The following KANK2 variants were observed in gnomAD, a reference collection of about 807,000 sequenced individuals.
KANK2 encodes KN motif and ankyrin repeat domain-containing protein 2.
A neutral mutation model predicts 74.6 loss-of-function variants in KANK2; 41 were observed. That is an observed-to-expected ratio of 0.55 (90% CI 0.43 to 0.71). The LOEUF is 0.71. Ranked by LOEUF, KANK2 falls within the 30% of genes least tolerant of loss-of-function variation. The probability of loss-of-function intolerance (pLI) is 0.00; values close to 1 mark genes in which losing one functional copy is unlikely to be tolerated. For synonymous variants in KANK2, 537 were observed against 519.0 expected (o/e 1.03, Z -0.47); for missense variants, 1,148 against 1,196.4 (o/e 0.96, Z 0.60).
At chr19:11,171,179 T>C (rs1257442304) in intron 10 of KANK2, among the ~76,000 whole-genome samples, 1 of 152,142 alleles carries the variant, frequency 6.6e-6, no homozygotes, top group Non-Finnish European at 1.5e-5. Flanking sequence ...GGAGGACTGC[T>C]TGACCCCAGG....
chr19:11,190,129 C>A (rs939459616), intron 4 of KANK2, among the ~76,000 whole-genome samples: 5 of 102,654 alleles, frequency 4.9e-5, no homozygotes, highest in Non-Finnish European at 7.6e-5. Context: ...TTATTTATTT[C>A]TTTTTTCTTT....
In KANK2 at chr19:11,166,454, T is replaced by G; in HGVS notation, c.*104A>C. ...TCGCTTGCCTTTGAGCCGTGGGCCT[T>G]GGGGAGTGTGAGTGGGGTGGGCCAG... On this transcript the variant is annotated 3_prime_UTR_variant, in exon 13 of 13. Coordinates refer to ENST00000586659, the MANE Select transcript of KANK2 (RefSeq NM_001136191.3). 9.4e-7 allele frequency: 1 copy of G among 1,066,286 alleles called. No individual in the cohort carries two copies. Among genetic ancestry groups the G allele is most frequent in the Non-Finnish European group, 1.4e-6 (1 of 691,772 alleles). The allele number at this position is 1,066,286 out of a possible 1,614,324, so 66.1% of individuals were successfully genotyped here. A position where few individuals can be genotyped will look rare whatever the true frequency, so the allele number is the denominator to read the frequency against.
At position 11,174,473 on chromosome 19, in the gene KANK2, C is replaced by T. The variant is rs115046996; in HGVS notation, c.2068G>A (p.Gly690Ser). Residue 690 changes from glycine (G) to serine (S), a missense_variant and splice_region_variant, in exon 9 of 13, where the codon GGT becomes AGT. Gly to Ser is a moderately conservative substitution (Grantham distance 56, BLOSUM62 0). Coordinates refer to ENST00000586659, the MANE Select transcript of KANK2 (RefSeq NM_001136191.3). Reference protein sequence around the residue: ...FPVVQQLLDSGVCKVDKQNRA... With the variant: ...FPVVQQLLDSSVCKVDKQNRA... ...GCCTCGTCCTCCCCGCTGGGCTCACCGCTGTCGAGCAGCTGCTGCACCACG... is the reference window on the plus strand; with the variant it reads ...GCCTCGTCCTCCCCGCTGGGCTCACTGCTGTCGAGCAGCTGCTGCACCACG... 7.0e-5 allele frequency: 112 copies of T among 1,604,758 alleles called. No homozygotes were observed. The African/African-American group carries it at 1.2e-3, about 17-fold the overall frequency.
At position 11,176,727 on chromosome 19, in the gene KANK2, C is replaced by T. The variant is rs369814991; in HGVS notation, c.1611G>A (p.Arg537=). The part of the protein sequence containing the change: ...TENEAPEPRE[R]VPSVAEAPQL... ...GGGGGGCTTCGGCCACACTCGGAAC[C>T]CTCTCCCTCGGCTCTGGGGCCTCGT... Residue 537 remains arginine, a synonymous_variant, in exon 7 of 13, where the codon AGG becomes AGA. Transcript: ENST00000586659. 8.5e-5 allele frequency: 137 copies of T among 1,610,928 alleles called. No homozygotes were observed. The highest frequency in any genetic ancestry group is 1.0e-4 in the Non-Finnish European group (120 of 1,178,268).
chr19:11,173,138 G>A lies in KANK2; in HGVS notation c.2069-15C>T, dbSNP rs185203180. The A allele has an allele frequency of 2.7e-5, 43 of 1,606,650 alleles. No homozygotes were observed. In the East Asian group the frequency reaches 8.9e-4, roughly 33 times the overall value. On this transcript the variant is annotated splice_polypyrimidine_tract_variant and intron_variant, in intron 9 of 12. Coordinates refer to ENST00000586659, the MANE Select transcript of KANK2 (RefSeq NM_001136191.3). Reference sequence around the variant, plus strand: ...CTTGCAGACACCTAAGAGACATGGTGTGAACCCTCAGACCAGGGATCGCTG... The same window carrying A: ...CTTGCAGACACCTAAGAGACATGGTATGAACCCTCAGACCAGGGATCGCTG...
At position 11,178,426 on chromosome 19, in the gene KANK2, C is replaced by G; in HGVS notation, c.1439G>C (p.Arg480Pro). The G allele has an allele frequency of 6.3e-7, 1 of 1,595,054 alleles. No individual in the cohort carries two copies. ...GGTGGPPAGV[R>P]SIMKRKEEVA... Reference sequence around the variant, plus strand: ...CTCCTCTTTCCGTTTCATGATAGATCGCACGCCTGCCGGGGGCCCGCCTGG... The same window carrying G: ...CTCCTCTTTCCGTTTCATGATAGATGGCACGCCTGCCGGGGGCCCGCCTGG... The change falls in exon 6 of 13, where the codon CGA (arginine) becomes CCA (proline). Residue 480 changes from arginine (R) to proline (P), a missense_variant. By Grantham distance (103) the Arg-to-Pro change is moderately radical (BLOSUM62 -2). Coordinates refer to ENST00000586659, the MANE Select transcript of KANK2 (RefSeq NM_001136191.3).
At chr19:11,186,298 G>C (rs919977932) in intron 4 of KANK2, among the ~76,000 whole-genome samples, 2 of 152,048 alleles carry the variant, frequency 1.3e-5, no homozygotes, top group South Asian at 2.1e-4. Flanking sequence ...TGAGGCACAA[G>C]AATCGCTTGA....
chr19:11,193,183 C>G lies in KANK2; in HGVS notation c.897G>C (p.Ala299=), dbSNP rs754854938. The G allele has an allele frequency of 2.5e-6, 4 of 1,610,156 alleles. No homozygotes were observed. The South Asian group carries it at 3.3e-5, about 13-fold the overall frequency. ...CCTGAGCTGCCTGCAGCTCCTGCAG[C>G]GCCTTCTTGAGCTGGGTCTCCAGCA... ...VAVLETQLKK[A]LQELQAAQAR... is the part of the protein sequence containing the mutation. The change falls in exon 4 of 13, where the codon GCG becomes GCC. Residue 299 remains alanine (A), a synonymous_variant. Coordinates refer to ENST00000586659, the MANE Select transcript of KANK2 (RefSeq NM_001136191.3). This position sits in a 1 kb window ranked among gnomAD's most constrained non-coding sequence, Gnocchi z 9.6.
Position 11,172,976 on chromosome 19 carries a change from C to T in KANK2, c.2211+5G>A. On this transcript the variant is annotated splice_donor_5th_base_variant and intron_variant, in intron 10 of 12. Transcript: ENST00000586659. ...CTGGATCTGCAGCAGCCGGGGTCCC[C>T]ATACCTGGCTGGCTTTGGCATTGAT... The T allele has an allele frequency of 6.2e-7, 1 of 1,612,668 alleles. No individual in the cohort carries two copies. The highest frequency in any genetic ancestry group is 8.5e-7 in the Non-Finnish European group (1 of 1,179,240).
chr19:11,174,354 G>C (rs1378208924), intron 9 of KANK2, 119 bp downstream of exon 9: 1 of 801,574 alleles, frequency 1.2e-6, no homozygotes, highest in South Asian at 1.6e-5. Flanking sequence ...TACTGAGAAG[G>C]CCGCGTCTCC....
intron 4 of KANK2, among the ~76,000 whole-genome samples, chr19:11,190,602 G>A (rs974778002): frequency 6.6e-6 from 1 of 152,144 alleles, no homozygotes; most frequent in African/African-American, 2.4e-5. Flanking sequence ...TAGAGGTGGA[G>A]AGCATTATCA....
rs1261241474 is a variant in KANK2 at position 11,184,676 on chromosome 19, AT to A, written c.1250-5957del. On this transcript the variant is annotated intron_variant, in intron 4 of 12. Coordinates refer to ENST00000586659, the MANE Select transcript of KANK2 (RefSeq NM_001136191.3). ...ACATAATCTTGTCATGTCAAGAAAT[AT>A]TTTTTTTGAGACAGGGCAAGACTCT... 1.3e-4 allele frequency among the ~76,000 whole-genome samples: 19 copies of A among 146,774 alleles called. 3 individuals are homozygous for A. Among genetic ancestry groups the A allele is most frequent in the Middle Eastern group, 6.4e-3 (2 of 312 alleles).
intron 9 of KANK2, among the ~76,000 whole-genome samples, chr19:11,173,690 C>T (rs528653701): frequency 6.6e-6 from 1 of 152,338 alleles, no homozygotes; most frequent in African/African-American, 2.4e-5. Context: ...CGTGCCTCCC[C>T]CACCAGACTG....
chr19:11,192,977 G>T lies in KANK2; in HGVS notation c.1103C>A (p.Ala368Glu). The change falls in exon 4 of 13, where the codon GCA becomes GAA. Residue 368 changes from alanine (A) to glutamate (E), a missense_variant. Coordinates refer to ENST00000586659, the MANE Select transcript of KANK2 (RefSeq NM_001136191.3). ...TGGGCTCTCAGGCCTACCAGGCATT[G>T]CCAGGGCCCTCAGCCCTGTGCCGTA... ...EPYGTGLRAL[A>E]MPGRPESPPV... 1.9e-6 allele frequency: 3 copies of T among 1,613,956 alleles called. No homozygotes were observed. The highest frequency in any genetic ancestry group is 2.2e-5 in the East Asian group (1 of 44,886).
rs562366331 is a variant in KANK2, at chr19:11,178,558, C to T, written c.1412G>A (p.Gly471Asp). The T allele has an allele frequency of 4.4e-6, 7 of 1,601,264 alleles. No homozygotes were observed. The East Asian group carries it at 9.1e-5, about 21-fold the overall frequency. Residue 471 changes from glycine to aspartate, a missense_variant, in exon 5 of 13, where the codon GGC becomes GAC. Gly to Asp is a moderately conservative substitution (Grantham distance 94, BLOSUM62 -1). Coordinates refer to ENST00000586659, the MANE Select transcript of KANK2 (RefSeq NM_001136191.3). Reference protein sequence around the residue: ...AASQESEEAGGTGGPPAGVRS... With the variant: ...AASQESEEAGDTGGPPAGVRS... ...GGCGGCCACCCACCACTTACCGGTG[C>T]CCCCGGCCTCCTCGGACTCTTGGGA...
intron 12 of KANK2, 131 bp downstream of exon 12, chr19:11,169,746 A>G: frequency 1.4e-6 from 1 of 714,936 alleles, no homozygotes; most frequent in Non-Finnish European, 2.3e-6. Flanking sequence ...GGTTGCAATG[A>G]GCCCAGATCG....
intron 4 of KANK2, among the ~76,000 whole-genome samples, chr19:11,183,668 T>G (rs1299060708): frequency 6.6e-6 from 1 of 151,866 alleles, no homozygotes; most frequent in African/African-American, 2.4e-5. Flanking sequence ...TTTTTTTTTT[T>G]TGAGAGAGTC....
rs150646585 is a variant in KANK2, at chr19:11,180,833, C to T, written c.1250-2113G>A. Among the ~76,000 whole-genome samples, 509 of 152,166 alleles carry T rather than the reference C, an allele frequency of 3.3e-3. 21 individuals carry two copies. In the East Asian group the frequency reaches 0.084, roughly 25 times the overall value. On this transcript the variant is annotated intron_variant, in intron 4 of 12. Coordinates refer to ENST00000586659, the MANE Select transcript of KANK2 (RefSeq NM_001136191.3). ...GGGCGCAGTAGCTCACGCTTGTAAT[C>T]CCAGCACCTTGGGAGGCTGAGGTGG...
At chr19:11,169,784 G>A in intron 12 of KANK2, 93 bp downstream of exon 12, 1 of 1,077,206 alleles carries the variant, frequency 9.3e-7, no homozygotes, top group Middle Eastern at 2.0e-4. Context: ...CTGGGCGACA[G>A]AGTGAGACTC....
Sources: gnomAD v4.1 joint callset for allele counts (sites outside exome capture counted in the v4.1 genomes callset) on GRCh38, gnomAD v4.1.1 for gene constraint, Gnocchi (gnomAD v3.1) non-coding constraint, MANE v1.5 for transcripts, NCBI Gene and HGNC (gene_info 2026-07-23, HGNC 2026-07-21) for gene names.